NKAIN4: variants seen among roughly 807,000 people sequenced by gnomAD.
NKAIN4 encodes the protein sodium/potassium transporting ATPase interacting 4, also known as sodium/potassium-transporting ATPase subunit beta-1-interacting protein 4.
A neutral mutation model predicts 28.8 loss-of-function variants in NKAIN4; 28 were observed. The observed-to-expected ratio is 0.97, with a 90% CI of 0.72 to 1.33. The LOEUF (loss-of-function observed/expected upper bound fraction) is 1.33. NKAIN4 is among the 40% of genes most tolerant of loss of function. NKAIN4 has a pLI of 0.00. For synonymous variants in NKAIN4, 122 were observed against 115.6 expected (o/e 1.06, Z -0.36); for missense variants, 289 against 277.2 (o/e 1.04, Z -0.30).
Position 63,241,239 on chromosome 20 carries a change from CCTTTTCTTTTGTATGTTTT to C in NKAIN4, c.*239_*257del, listed in dbSNP as rs1331942626. ...GAGGAGGTGGGCATGTGGGGTTTTG[CCTTTTCTTTTGTATGTTTT>C]CTTTTCTTTTTTTTTTTTAAGAGAA... is the stretch of plus-strand genomic sequence containing the variant. On this transcript the variant is annotated 3_prime_UTR_variant, in exon 7 of 7. Coordinates refer to ENST00000370316, the MANE Select transcript of NKAIN4 (RefSeq NM_152864.4). 4.0e-6 allele frequency: 2 copies of C among 499,276 alleles called. No individual in the cohort carries two copies. The highest frequency in any genetic ancestry group is 7.1e-6 in the Non-Finnish European group (2 of 280,224). 30.9% of individuals were successfully genotyped at this position (499,276 alleles called of 1,614,324 possible). A position where few individuals can be genotyped will look rare whatever the true frequency, so the allele number is the denominator to read the frequency against.
intron 1 of NKAIN4, among the ~76,000 whole-genome samples, chr20:63,251,634 C>T (rs939283402): frequency 3.3e-5 from 5 of 152,188 alleles, no homozygotes; most frequent in Non-Finnish European, 7.3e-5. Flanking sequence ...GTCCCCTCAG[C>T]TCCTATCTCT....
In NKAIN4 at chr20:63,249,930, C is replaced by T; in HGVS notation, c.192+5G>A. 1 of 1,611,668 alleles carries T rather than the reference C, an allele frequency of 6.2e-7. No individual in the cohort carries two copies. The highest frequency in any genetic ancestry group is 8.5e-7 in the Non-Finnish European group (1 of 1,179,066). ...CCCATAAAGAGGGCCGGGCCCAGGA[C>T]TCACCACCATGACATAGCGCAGCCG... On this transcript the variant is annotated splice_donor_5th_base_variant and intron_variant, in intron 2 of 6. Coordinates refer to ENST00000370316, the MANE Select transcript of NKAIN4 (RefSeq NM_152864.4).
chr20:63,241,535 G>C (rs2066751046), intron 6 of NKAIN4, 29 bp from the exon 7 acceptor site: 3 of 1,548,882 alleles, frequency 1.9e-6, no homozygotes, highest in African/African-American at 1.4e-5. Context: ...AGAGCACCTG[G>C]GGGAACAGGG....
At chr20:63,244,851 C>T (rs1411548783) in intron 4 of NKAIN4, among the ~76,000 whole-genome samples, 1 of 152,194 alleles carries the variant, frequency 6.6e-6, no homozygotes, top group African/African-American at 2.4e-5. Flanking sequence ...CCACAGACAC[C>T]GAGGGAGGCG....
At chr20:63,254,488 G>C (rs1456067149), upstream of NKAIN4, 3 of 1,278,834 alleles carry the variant, frequency 2.3e-6, no homozygotes, top group Non-Finnish European at 2.0e-6. Flanking sequence ...GGTGCCCCGC[G>C]CTCGGCCCCC....
Position 63,248,914 on chromosome 20 carries a change from G to T in NKAIN4, c.193-19C>A, listed in dbSNP as rs777966989. On this transcript the variant is annotated intron_variant, in intron 2 of 6. Coordinates refer to ENST00000370316, the MANE Select transcript of NKAIN4 (RefSeq NM_152864.4). ...GCGTGTACTAGGGAGAGGAGAGGAT[G>T]GGGCGGCAGCTGAACACAGCTCCCG... The T allele has an allele frequency of 2.6e-5, 42 of 1,587,008 alleles. No homozygotes were observed. Among genetic ancestry groups the T allele is most frequent in the Non-Finnish European group, 3.6e-5 (42 of 1,157,202 alleles).
Position 63,246,681 on chromosome 20 carries a change from G to C in NKAIN4, c.471+897C>G, listed in dbSNP as rs1273284255. 3 of 984,282 alleles carry C rather than the reference G, an allele frequency of 3.0e-6. No individual in the cohort carries two copies. In the East Asian group the frequency reaches 3.4e-4, roughly 112 times the overall value. The allele number at this position is 984,282 out of a possible 1,614,324, so 61.0% of individuals were successfully genotyped here. A position where few individuals can be genotyped will look rare whatever the true frequency, so the allele number is the denominator to read the frequency against. On this transcript the variant is annotated intron_variant, in intron 4 of 6. Coordinates refer to ENST00000370316, the MANE Select transcript of NKAIN4 (RefSeq NM_152864.4). The stretch of plus-strand genomic sequence containing the variant: ...GCACCAGGAAAAGCCAGGGAGCCTC[G>C]AGATCGGTCAGAAGTTCCTCCAGCG...
Position 63,253,061 on chromosome 20 carries a change from C to A in NKAIN4, c.54+1336G>T, listed in dbSNP as rs149197769. Among the ~76,000 whole-genome samples, 448 of 152,316 alleles carry A rather than the reference C, an allele frequency of 2.9e-3. 3 individuals carry two copies. Among genetic ancestry groups the A allele is most frequent in the African/African-American group, 9.7e-3 (402 of 41,576 alleles). Reference sequence around the variant, plus strand: ...ATCACCAGCTGCCACTGGCCATGCTCCAAACTGGGGTACCGTCCAGGCTGG... The same window carrying A: ...ATCACCAGCTGCCACTGGCCATGCTACAAACTGGGGTACCGTCCAGGCTGG... On this transcript the variant is annotated intron_variant, in intron 1 of 6. Coordinates refer to ENST00000370316, the MANE Select transcript of NKAIN4 (RefSeq NM_152864.4).
chr20:63,249,165 C>G (rs895741211), intron 2 of NKAIN4: 11 of 468,174 alleles, frequency 2.3e-5, no homozygotes, highest in Non-Finnish European at 4.3e-5. Flanking sequence ...GGCGTACGGA[C>G]ACAGCATCCC....
chr20:63,247,626 C>T lies in NKAIN4; in HGVS notation c.423G>A (p.Glu141=). ...TGTGTAGGGCCTCCACATAGCTGGG[C>T]TCCAGGGCACAGCCAGCACCTGACA... ...ALVSGAGCAL[E]PSYVEALHSC... Residue 141 remains glutamate, a synonymous_variant, in exon 4 of 7, where the codon GAG becomes GAA. Coordinates refer to ENST00000370316, the MANE Select transcript of NKAIN4 (RefSeq NM_152864.4). 1 of 1,547,770 alleles carries T rather than the reference C, an allele frequency of 6.5e-7. No individual in the cohort carries two copies. The highest frequency in any genetic ancestry group is 1.2e-5 in the South Asian group (1 of 83,258).
chr20:63,249,521 T>G (rs2066920002), intron 2 of NKAIN4, among the ~76,000 whole-genome samples: 1 of 152,164 alleles, frequency 6.6e-6, no homozygotes, highest in African/African-American at 2.4e-5. Flanking sequence ...GAACATTTTT[T>G]CAGCTTCTCC....
intron 2 of NKAIN4, 152 bp from the exon 3 acceptor site, chr20:63,249,047 A>G: frequency 3.2e-6 from 2 of 628,176 alleles, no homozygotes; most frequent in Non-Finnish European, 5.8e-6. Flanking sequence ...AGCATGGAGA[A>G]AGGGGTCCCC....
chr20:63,251,558 C>G (rs1034127517), intron 1 of NKAIN4, among the ~76,000 whole-genome samples: 2 of 152,234 alleles, frequency 1.3e-5, no homozygotes, highest in African/African-American at 4.8e-5. Flanking sequence ...GACCAAGGAG[C>G]CCTCTGGTGG....
chr20:63,242,340 C>G (rs1172398618), intron 6 of NKAIN4, among the ~76,000 whole-genome samples, 199 bp downstream of exon 6: 1 of 152,204 alleles, frequency 6.6e-6, no homozygotes, highest in Non-Finnish European at 1.5e-5. Flanking sequence ...GGACTGGGTC[C>G]TAGGTCTCTG....
chr20:63,246,550 G>T, intron 4 of NKAIN4: 1 of 985,460 alleles, frequency 1.0e-6, no homozygotes, highest in Non-Finnish European at 1.2e-6. Flanking sequence ...TCAGGCCACG[G>T]GCTCCTTAGA....
intron 5 of NKAIN4, among the ~76,000 whole-genome samples, chr20:63,243,638 C>T (rs745785174): frequency 2.6e-5 from 4 of 152,172 alleles, no homozygotes; most frequent in Admixed American, 6.5e-5. Flanking sequence ...AGGCTGCCAC[C>T]GAGGGCCTGA....
chr20:63,247,544 AT>A, intron 4 of NKAIN4, 33 bp downstream of exon 4: 1 of 1,544,574 alleles, frequency 6.5e-7, no homozygotes, highest in South Asian at 1.2e-5. Flanking sequence ...CCATCAACCC[AT>A]CCCCACCCGG....
At position 63,244,098 on chromosome 20, in the gene NKAIN4, C is replaced by G; in HGVS notation, c.472-14G>C. On this transcript the variant is annotated splice_polypyrimidine_tract_variant and intron_variant, in intron 4 of 6. Transcript: ENST00000370316. ...AAAGCCCAGAAGCTGAAAGACACCACAGGCAGGGGCGTGAGTGCGGCCAGG... is the reference window on the plus strand; with the variant it reads ...AAAGCCCAGAAGCTGAAAGACACCAGAGGCAGGGGCGTGAGTGCGGCCAGG... 6.2e-7 allele frequency: 1 copy of G among 1,611,794 alleles called. No homozygotes were observed. The highest frequency in any genetic ancestry group is 8.5e-7 in the Non-Finnish European group (1 of 1,179,118).
intron 4 of NKAIN4, chr20:63,247,369 G>C: frequency 6.6e-7 from 1 of 1,518,422 alleles, no homozygotes; most frequent in East Asian, 2.5e-5. Flanking sequence ...GCCTGGGGGA[G>C]GTGGTTTGCA....
Sources: allele counts gnomAD v4.1 joint callset (sites outside exome capture counted in the v4.1 genomes callset), GRCh38; gene constraint gnomAD v4.1.1; transcripts MANE v1.5; gene names NCBI Gene and HGNC (gene_info 2026-07-23, HGNC 2026-07-21).